Variants in SHLD1 observed in about 807,000 individuals in gnomAD.
SHLD1 encodes the protein RINN1-REV7-interacting novel NHEJ regulator 3.
SHLD1 carries 3 observed loss-of-function variants against 5.5 expected under a neutral mutation model. The ratio of observed to expected loss-of-function variants is 0.54; its 90% confidence interval spans 0.25 to 1.40. The LOEUF is 1.40. Among genes scored for constraint, SHLD1 ranks in the 40% most tolerant of loss-of-function variants. The pLI is 0.15. For synonymous variants in SHLD1, 92 were observed against 94.3 expected (o/e 0.98, Z 0.14); for missense variants, 210 against 244.4 (o/e 0.86, Z 0.94).
chr20:5,758,680 A>G (rs539462899), intron 1 of SHLD1, among the ~76,000 whole-genome samples: 75 of 152,162 alleles, frequency 4.9e-4, no homozygotes, highest in African/African-American at 1.7e-3. Context: ...CAGCCTCCCA[A>G]AGTGCTGGGA....
chr20:5,796,336 C>G (rs1204232747), intron 2 of SHLD1, among the ~76,000 whole-genome samples: 3 of 151,854 alleles, frequency 2.0e-5, no homozygotes, highest in African/African-American at 7.3e-5. Flanking sequence ...TAATATATTA[C>G]TATAAAAAGG....
intron 2 of SHLD1, among the ~76,000 whole-genome samples, chr20:5,779,471 A>G (rs142219823): frequency 0.01 from 1,583 of 152,276 alleles, 20 homozygotes; most frequent in Non-Finnish European, 0.017. Context: ...ATGGCCCTTC[A>G]GGAGGCTCTT....
chr20:5,818,908 G>C (rs1456837818), intron 2 of SHLD1, among the ~76,000 whole-genome samples: 1 of 152,102 alleles, frequency 6.6e-6, no homozygotes, highest in African/African-American at 2.4e-5. Flanking sequence ...CATTGTCCAG[G>C]CTGGAGTGCA....
At chr20:5,840,164 T>G (rs2087840899) in intron 2 of SHLD1, among the ~76,000 whole-genome samples, 1 of 152,234 alleles carries the variant, frequency 6.6e-6, no homozygotes, top group South Asian at 2.1e-4. Context: ...TTATTAGTCT[T>G]TGGAGCCATA....
At chr20:5,805,466 A>G (rs1600140345) in intron 2 of SHLD1, among the ~76,000 whole-genome samples, 1 of 152,082 alleles carries the variant, frequency 6.6e-6, no homozygotes, top group Admixed American at 6.6e-5. Context: ...TTGTTTGTTT[A>G]TATTATGAAA....
chr20:5,760,299 G>A (rs867635775), intron 1 of SHLD1, among the ~76,000 whole-genome samples: 48 of 152,156 alleles, frequency 3.2e-4, no homozygotes, highest in African/African-American at 1.2e-3. Flanking sequence ...GCAAGGAGAG[G>A]TGAAGTGGAG....
intron 2 of SHLD1, among the ~76,000 whole-genome samples, chr20:5,822,498 T>C (rs1057033376): frequency 6.7e-6 from 1 of 148,686 alleles, no homozygotes; most frequent in Non-Finnish European, 1.5e-5. Context: ...ATGAATAAAG[T>C]GAGTGCTCAG....
At chr20:5,817,422 C>CTGTG (rs1394384314) in intron 2 of SHLD1, among the ~76,000 whole-genome samples, 10 of 131,778 alleles carry the variant, frequency 7.6e-5, no homozygotes, top group African/African-American at 3.5e-4. Flanking sequence ...CTCTCTCTCT[C>CTGTG]TCTCTCTCTC....
chr20:5,772,573 G>C (rs6116947), intron 1 of SHLD1, among the ~76,000 whole-genome samples: 1 of 152,140 alleles, frequency 6.6e-6, no homozygotes, highest in Non-Finnish European at 1.5e-5. Context: ...TCGCACATAA[G>C]GGGGGACTAC....
At chr20:5,851,957 G>A (rs1355694440) in intron 2 of SHLD1, among the ~76,000 whole-genome samples, 1 of 151,986 alleles carries the variant, frequency 6.6e-6, no homozygotes, top group Non-Finnish European at 1.5e-5. Context: ...CCTCGAAATA[G>A]TGAGTGAGTT....
intron 1 of SHLD1, among the ~76,000 whole-genome samples, chr20:5,755,112 C>G (rs1983997035): frequency 6.6e-6 from 1 of 151,612 alleles, no homozygotes; most frequent in South Asian, 2.1e-4. Flanking sequence ...TTTGTGGGAG[C>G]CAAGGTTCTT....
intron 2 of SHLD1, among the ~76,000 whole-genome samples, chr20:5,834,930 G>A (rs546559680): frequency 6.6e-6 from 1 of 152,254 alleles, no homozygotes; most frequent in East Asian, 1.9e-4. Context: ...TTCCATTCAT[G>A]AGGACTCCTC....
intron 2 of SHLD1, among the ~76,000 whole-genome samples, chr20:5,843,295 C>CTTT (rs11473559): frequency 0.33 from 46,013 of 141,142 alleles, 7,997 homozygotes; most frequent in African/African-American, 0.48. Flanking sequence ...TTGTTTTTTT[C>CTTT]TTTTTTTTTT....
chr20:5,843,398 TTTTG>T (rs1017932487), intron 2 of SHLD1, among the ~76,000 whole-genome samples: 2 of 151,958 alleles, frequency 1.3e-5, no homozygotes, highest in African/African-American at 4.8e-5. Flanking sequence ...CAAGACAAGT[TTTTG>T]TTTGTTTTGT....
intron 2 of SHLD1, among the ~76,000 whole-genome samples, chr20:5,799,500 A>G (rs1159332998): frequency 1.9e-4 from 22 of 114,134 alleles, no homozygotes; most frequent in Non-Finnish European, 2.9e-4. Flanking sequence ...TTTTGGAGAG[A>G]CAGGGTTTTG....
chr20:5,820,015 T>G (rs928941901), intron 2 of SHLD1, among the ~76,000 whole-genome samples: 1 of 152,216 alleles, frequency 6.6e-6, no homozygotes, highest in Non-Finnish European at 1.5e-5. Context: ...TGCTGTGATC[T>G]CAGCTCACTG....
At chr20:5,807,117 G>A (rs1355936628) in intron 2 of SHLD1, among the ~76,000 whole-genome samples, 2 of 152,168 alleles carry the variant, frequency 1.3e-5, no homozygotes, top group African/African-American at 2.4e-5. Context: ...GTGCTGGGCT[G>A]AGGGCAGCTC....
intron 2 of SHLD1, among the ~76,000 whole-genome samples, chr20:5,812,381 G>A (rs2087471481): frequency 2.0e-5 from 3 of 152,068 alleles, no homozygotes; most frequent in Admixed American, 2.0e-4. Flanking sequence ...TGATTACTGT[G>A]CTCAGTGCTT....
At chr20:5,859,128 A>G (rs1030208014) in intron 2 of SHLD1, among the ~76,000 whole-genome samples, 1 of 152,162 alleles carries the variant, frequency 6.6e-6, no homozygotes, top group Non-Finnish European at 1.5e-5. Context: ...TGTAACTCGA[A>G]TAGGTACCAG....
Sources: gnomAD v4.1 joint callset for allele counts (sites outside exome capture counted in the v4.1 genomes callset) on GRCh38, gnomAD v4.1.1 for gene constraint, MANE v1.5 for transcripts, NCBI Gene and HGNC (gene_info 2026-07-23, HGNC 2026-07-21) for gene names.